The following NOTCH2 variants were observed in gnomAD, a reference collection of about 807,000 sequenced individuals.
NOTCH2 encodes notch receptor 2.
In NOTCH2, 29 loss-of-function variants were observed where a neutral mutation model predicts 235.8. The ratio of observed to expected loss-of-function variants is 0.12; its 90% confidence interval spans 0.09 to 0.17. NOTCH2 has a LOEUF of 0.17. NOTCH2 is among the 10% of genes least tolerant of loss of function. NOTCH2 has a pLI of 1.00. For synonymous variants in NOTCH2, 1,086 were observed against 1,141.5 expected (o/e 0.95, Z 0.98); for missense variants, 2,285 against 3,150.2 (o/e 0.73, Z 6.57).
In NOTCH2 at chr1:119,911,977, C is replaced by T. The variant is rs2101137469; in HGVS notation, c.*3329G>A. ...TCAGAAAGAAAAGAAAATTTGCTCT[C>T]TCAGCAAATTATGACATCATGAGGT... On this transcript the variant is annotated 3_prime_UTR_variant, in exon 34 of 34. Transcript: ENST00000256646. 1 of 233,450 alleles carries T rather than the reference C, an allele frequency of 4.3e-6. No individual in the cohort carries two copies. The highest frequency in any genetic ancestry group is 5.6e-5 in the Admixed American group (1 of 17,798). 14.5% of individuals were successfully genotyped at this position (233,450 alleles called of 1,614,324 possible).
chr1:119,984,747 C>A (rs971018207), intron 5 of NOTCH2, among the ~76,000 whole-genome samples: 1 of 152,102 alleles, frequency 6.6e-6, no homozygotes, highest in African/African-American at 2.4e-5. Flanking sequence ...ATAGTCCAAC[C>A]GCCCCCATAA....
chr1:119,920,333 T>A lies in NOTCH2; in HGVS notation c.5375A>T (p.Gln1792Leu). The A allele has an allele frequency of 6.2e-7, 1 of 1,614,224 alleles. No individual in the cohort carries two copies. Among genetic ancestry groups the A allele is most frequent in the Non-Finnish European group, 8.5e-7 (1 of 1,180,036 alleles). ...DPIDRRPWTQ[Q>L]HLEAADIRRT... ...ACGGATGTCTGCAGCTTCAAGGTGC[T>A]GCTGTGTCCATGGCCGTCGATCAAT... The change falls in exon 30 of 34, where the codon CAG becomes CTG. Residue 1792 changes from glutamine (Q) to leucine (L), a missense_variant. Gln to Leu is a moderately radical substitution (Grantham distance 113). Transcript: ENST00000256646.
chr1:119,999,881 A>C (rs1359644730), intron 3 of NOTCH2, among the ~76,000 whole-genome samples: 1 of 148,790 alleles, frequency 6.7e-6, no homozygotes, highest in Non-Finnish European at 1.5e-5. Context: ...GACAGACAGA[A>C]AGAGAGAGGG....
intron 6 of NOTCH2, among the ~76,000 whole-genome samples, chr1:119,969,274 C>CT (rs1557826546): frequency 1.3e-5 from 2 of 152,188 alleles, no homozygotes; most frequent in Admixed American, 6.5e-5. Context: ...ACTAACTTTC[C>CT]TTTTTTGGAA....
rs1363007866 is a variant in NOTCH2, at chr1:120,007,514, A to C, written c.156-1926T>G. Among the ~76,000 whole-genome samples, 20 of 138,152 alleles carry C rather than the reference A, an allele frequency of 1.4e-4. 1 individual carries two copies. Among genetic ancestry groups the C allele is most frequent in the Non-Finnish European group, 1.9e-4 (13 of 66,696 alleles). 90.6% of individuals were successfully genotyped at this position (138,152 alleles called of 152,430 possible). ...GAGAATAGCCCGGCCAACATGGTGA[A>C]ACCCTGGCTCTACTAAAAATACAAA... On this transcript the variant is annotated intron_variant, in intron 2 of 33. Coordinates refer to ENST00000256646, the MANE Select transcript of NOTCH2 (RefSeq NM_024408.4).
In NOTCH2 at chr1:119,916,388, T is replaced by C. The variant is rs1237418902; in HGVS notation, c.6334A>G (p.Met2112Val). ...GCAAGGTTAGGGAGGCTAGTAGGCATGGTACTCTTGGCACTGGGCCGTCTA... is the reference window on the plus strand; with the variant it reads ...GCAAGGTTAGGGAGGCTAGTAGGCACGGTACTCTTGGCACTGGGCCGTCTA... ...KSRRPSAKST[M>V]PTSLPNLAKE... Residue 2112 changes from methionine (M) to valine (V), a missense_variant, in exon 34 of 34, where the codon ATG becomes GTG. Physicochemically the swap from Met to Val is conservative, Grantham distance 21. Coordinates refer to ENST00000256646, the MANE Select transcript of NOTCH2 (RefSeq NM_024408.4). 1.2e-6 allele frequency: 2 copies of C among 1,614,058 alleles called. No individual in the cohort carries two copies. The highest frequency in any genetic ancestry group is 2.7e-5 in the African/African-American group (2 of 74,924).
intron 4 of NOTCH2, chr1:119,995,801 T>C (rs1652421514): frequency 6.6e-6 from 1 of 152,256 alleles, no homozygotes; most frequent in Non-Finnish European, 1.5e-5. Flanking sequence ...CATAGCATGG[T>C]GCCTAGAACA....
chr1:119,925,744 C>G lies in NOTCH2; in HGVS notation c.4072G>C (p.Val1358Leu). 6.2e-7 allele frequency: 1 copy of G among 1,614,058 alleles called. No homozygotes were observed. Among genetic ancestry groups the G allele is most frequent in the Non-Finnish European group, 8.5e-7 (1 of 1,180,008 alleles). The part of the protein sequence containing the change: ...QVKCRKGEQC[V>L]HTASGPRCFC... ...CAGCGGGGTCCAGAGGCGGTGTGCA[C>G]ACACTGCTCCCCCTTCCTACATTTC... Residue 1358 changes from valine (V) to leucine (L), a missense_variant, in exon 25 of 34, where the codon GTG (valine) becomes CTG (leucine). This residue lies in a region of NOTCH2 where 1,173 missense variants were observed against 1,515.3 expected (regional missense o/e 0.77). Transcript: ENST00000256646.
chr1:120,060,542 A>G (rs1655278734), intron 1 of NOTCH2, among the ~76,000 whole-genome samples: 1 of 151,282 alleles, frequency 6.6e-6, no homozygotes, highest in Non-Finnish European at 1.5e-5. Context: ...AATTAATGGC[A>G]GCATGATTGT....
At chr1:119,999,902 A>G (rs61786992) in intron 3 of NOTCH2, among the ~76,000 whole-genome samples, 10 of 147,102 alleles carry the variant, frequency 6.8e-5, no homozygotes, top group African/African-American at 2.6e-4. Flanking sequence ...AAAGAGAGAG[A>G]AAGAGAGAAA....
chr1:119,977,852 TC>T (rs1651651124), intron 5 of NOTCH2, among the ~76,000 whole-genome samples: 1 of 152,146 alleles, frequency 6.6e-6, no homozygotes, highest in African/African-American at 2.4e-5. Context: ...CATTCGTTTA[TC>T]TAAAATATAT....
intron 2 of NOTCH2, among the ~76,000 whole-genome samples, chr1:120,015,313 C>A (rs1215477021): frequency 2.0e-5 from 3 of 152,132 alleles, no homozygotes; most frequent in African/African-American, 7.2e-5. Flanking sequence ...CCTCTTGGCC[C>A]CCCAATCCGC....
chr1:120,048,277 A>C (rs1218137060), intron 1 of NOTCH2, among the ~76,000 whole-genome samples: 4 of 138,956 alleles, frequency 2.9e-5, no homozygotes, highest in Non-Finnish European at 6.1e-5. Flanking sequence ...ATGCTTGTCC[A>C]TACTATGTGA....
At chr1:120,004,931 C>T (rs587746732) in intron 3 of NOTCH2, among the ~76,000 whole-genome samples, 1 of 152,216 alleles carries the variant, frequency 6.6e-6, no homozygotes, top group East Asian at 1.9e-4. Context: ...CACCACCACA[C>T]ATGACTAATT....
At chr1:119,925,957 T>A in intron 24 of NOTCH2, 147 bp from the exon 25 acceptor site, 1 of 952,924 alleles carries the variant, frequency 1.0e-6, no homozygotes, top group Non-Finnish European at 1.6e-6. Flanking sequence ...GGTTTCCTTT[T>A]GGTATCTCCC....
Position 119,996,911 on chromosome 1 carries a change from T to C in NOTCH2, c.751+86A>G, listed in dbSNP as rs1553204257. The C allele has an allele frequency of 2.0e-6, 3 of 1,521,728 alleles. No individual in the cohort carries two copies. In the Admixed American group the frequency reaches 5.4e-5, roughly 27 times the overall value. The allele number at this position is 1,521,728 out of a possible 1,614,324, so 94.3% of individuals were successfully genotyped here. On this transcript the variant is annotated intron_variant, in intron 4 of 33. Coordinates refer to ENST00000256646, the MANE Select transcript of NOTCH2 (RefSeq NM_024408.4). ...TCTCACTTCCCTTTTTCCTTGGGCT[T>C]CCTAAAAACAGCAATTGAGCCACAC...
intron 1 of NOTCH2, among the ~76,000 whole-genome samples, chr1:120,055,747 C>A (rs1189259111): frequency 5.3e-5 from 8 of 152,016 alleles, no homozygotes; most frequent in Admixed American, 3.9e-4. Flanking sequence ...TTCAAGGCTG[C>A]CAAAACTTGA....
At chr1:119,982,840 A>C (rs921820266) in intron 5 of NOTCH2, among the ~76,000 whole-genome samples, 3 of 152,236 alleles carry the variant, frequency 2.0e-5, no homozygotes, top group Admixed American at 1.3e-4. Context: ...AGACAGCCAC[A>C]GTAGGTAAAA....
In NOTCH2 at chr1:119,916,376, G is replaced by A; in HGVS notation, c.6346C>T (p.Leu2116Phe). The A allele has an allele frequency of 6.2e-7, 1 of 1,614,188 alleles. No homozygotes were observed. The highest frequency in any genetic ancestry group is 1.1e-5 in the South Asian group (1 of 91,090). The change falls in exon 34 of 34, where the codon CTC becomes TTC. Residue 2116 changes from leucine (L) to phenylalanine (F), a missense_variant. Physicochemically the swap from Leu to Phe is conservative, Grantham distance 22. Coordinates refer to ENST00000256646, the MANE Select transcript of NOTCH2 (RefSeq NM_024408.4). ...TTTGCCTCCTTGGCAAGGTTAGGGA[G>A]GCTAGTAGGCATGGTACTCTTGGCA... ...PSAKSTMPTS[L>F]PNLAKEAKDA...
Sources: allele counts gnomAD v4.1 joint callset (sites outside exome capture counted in the v4.1 genomes callset), GRCh38; gene constraint gnomAD v4.1.1; regional missense constraint gnomAD v4.1.1; transcripts MANE v1.5; gene names NCBI Gene and HGNC (gene_info 2026-07-23, HGNC 2026-07-21).